Variants in ANKRD17 observed in about 807,000 individuals in gnomAD.
ANKRD17 encodes the protein ankyrin repeat domain-containing protein 17.
Under a neutral mutation model 229.7 loss-of-function variants are expected in ANKRD17, and 19 were observed. That is an observed-to-expected ratio of 0.08 (90% CI 0.06 to 0.12). The LOEUF is 0.12. Ranked by LOEUF, ANKRD17 falls within the 10% of genes least tolerant of loss-of-function variation. ANKRD17 has a pLI of 1.00. For missense variants in ANKRD17, 2,176 were observed against 3,176.8 expected (o/e 0.68, Z 7.57); for synonymous variants, 1,112 against 1,146.1 (o/e 0.97, Z 0.60).
chr4:73,222,906 TA>T, intron 1 of ANKRD17: 1 of 1,273,660 alleles, frequency 7.9e-7, no homozygotes, highest in Non-Finnish European at 1.1e-6. Flanking sequence ...ATCTGTAAAA[TA>T]ATTCCGGCAG....
intron 10 of ANKRD17, among the ~76,000 whole-genome samples, chr4:73,145,212 T>C (rs946600243): frequency 2.0e-5 from 3 of 152,168 alleles, no homozygotes; most frequent in Non-Finnish European, 2.9e-5. Context: ...GAACAATCAA[T>C]ATAATGAGCA....
At chr4:73,250,446 C>G (rs1367032592) in intron 1 of ANKRD17, among the ~76,000 whole-genome samples, 1 of 151,438 alleles carries the variant, frequency 6.6e-6, no homozygotes, top group African/African-American at 2.4e-5. Context: ...AATAAAAATA[C>G]AAAACAATTA....
In ANKRD17 at chr4:73,120,238, G is replaced by T; in HGVS notation, c.3949C>A (p.Pro1317Thr). The T allele has an allele frequency of 1.9e-6, 3 of 1,614,014 alleles. No individual in the cohort carries two copies. The highest frequency in any genetic ancestry group is 2.5e-6 in the Non-Finnish European group (3 of 1,179,992). ...GTTAAAGCTGTATCTCTTGAGGAGG[G>T]AACTGGAGGGGCATTAACATCAGCA... is the stretch of plus-strand genomic sequence containing the variant. ...KGADVNAPPV[P>T]SSRDTALTIA... Residue 1317 changes from proline to threonine, a missense_variant, in exon 21 of 34, where the codon CCC becomes ACC. Pro to Thr is a conservative substitution (Grantham distance 38). Around this residue, in one of 18 missense-constraint regions of ANKRD17, gnomAD observed 178 missense variants for 421.7 expected, o/e 0.42. Transcript: ENST00000358602.
At chr4:73,237,413 C>A (rs867098062) in intron 1 of ANKRD17, among the ~76,000 whole-genome samples, 16 of 152,302 alleles carry the variant, frequency 1.1e-4, no homozygotes, top group African/African-American at 3.9e-4. Flanking sequence ...AAGGCATATT[C>A]ACAACTTAAA....
chr4:73,249,353 G>T (rs996730980), intron 1 of ANKRD17, among the ~76,000 whole-genome samples: 10 of 152,124 alleles, frequency 6.6e-5, no homozygotes, highest in Non-Finnish European at 4.4e-5. Context: ...TTGGGAAAAG[G>T]AAAGGGGGAG....
chr4:73,203,157 TCAAC>T (rs1254976773), intron 1 of ANKRD17, among the ~76,000 whole-genome samples: 1 of 152,220 alleles, frequency 6.6e-6, no homozygotes, highest in Non-Finnish European at 1.5e-5. Flanking sequence ...TTGATGTTTC[TCAAC>T]CAACCCTGTG....
At chr4:73,237,834 T>G (rs1178287940) in intron 1 of ANKRD17, among the ~76,000 whole-genome samples, 2 of 152,178 alleles carry the variant, frequency 1.3e-5, no homozygotes, top group African/African-American at 4.8e-5. Context: ...TACTACAAAT[T>G]TTTAAGTTCT....
intron 2 of ANKRD17, among the ~76,000 whole-genome samples, chr4:73,168,175 T>C (rs960534261): frequency 4.6e-5 from 7 of 151,850 alleles, no homozygotes; most frequent in African/African-American, 1.7e-4. Flanking sequence ...AAAAAAAAAT[T>C]TACTGTATTA....
intron 2 of ANKRD17, among the ~76,000 whole-genome samples, chr4:73,161,976 A>G (rs1732585023): frequency 6.6e-6 from 1 of 151,892 alleles, no homozygotes; most frequent in Non-Finnish European, 1.5e-5. Context: ...TCTTGGGCTC[A>G]AGTGATCCGC....
intron 1 of ANKRD17, among the ~76,000 whole-genome samples, chr4:73,237,369 G>A (rs546880377): frequency 2.0e-5 from 3 of 152,178 alleles, no homozygotes; most frequent in African/African-American, 4.8e-5. Flanking sequence ...AGTAGGTTAA[G>A]AACTCCCTCA....
chr4:73,103,828 G>GTT (rs33952344), intron 24 of ANKRD17, among the ~76,000 whole-genome samples: 179 of 146,456 alleles, frequency 1.2e-3, no homozygotes, highest in African/African-American at 4.4e-3. Flanking sequence ...ACCCTCTCCG[G>GTT]TTTTTTTTTT....
At position 73,216,141 on chromosome 4, in the gene ANKRD17, G is replaced by C. The variant is rs1312747486; in HGVS notation, c.394-38608C>G. On this transcript the variant is annotated intron_variant, in intron 1 of 33. Transcript: ENST00000358602. The stretch of plus-strand genomic sequence containing the variant: ...AGTCTAGTTATCTTCCATTAAGTCA[G>C]ATGTTAAAGATATTTATAAAAATGT... Among the ~76,000 whole-genome samples, 6 of 152,212 alleles carry C rather than the reference G, an allele frequency of 3.9e-5. 1 individual carries two copies. In the East Asian group the frequency reaches 1.2e-3, roughly 29 times the overall value.
At chr4:73,181,881 C>CT (rs1431121144) in intron 1 of ANKRD17, among the ~76,000 whole-genome samples, 1 of 151,154 alleles carries the variant, frequency 6.6e-6, no homozygotes, top group African/African-American at 2.4e-5. Flanking sequence ...AACCCTGTCT[C>CT]TACTAAAAAT....
At chr4:73,112,167 A>G (rs1423657631) in intron 24 of ANKRD17, among the ~76,000 whole-genome samples, 1 of 152,204 alleles carries the variant, frequency 6.6e-6, no homozygotes, top group Non-Finnish European at 1.5e-5. Context: ...ACAGGATCTT[A>G]AAAGGCCTTA....
At chr4:73,229,852 A>G (rs1191716961) in intron 1 of ANKRD17, among the ~76,000 whole-genome samples, 1 of 152,154 alleles carries the variant, frequency 6.6e-6, no homozygotes, top group East Asian at 1.9e-4. Context: ...ATATTTGGGT[A>G]TATTCTCACT....
chr4:73,238,560 G>A (rs1743725710), intron 1 of ANKRD17, among the ~76,000 whole-genome samples: 1 of 152,080 alleles, frequency 6.6e-6, no homozygotes, highest in Admixed American at 6.5e-5. Flanking sequence ...CTACATTCAG[G>A]TAAAGTGTTT....
intron 1 of ANKRD17, among the ~76,000 whole-genome samples, chr4:73,212,431 G>A (rs1740403374): frequency 6.6e-6 from 1 of 151,996 alleles, no homozygotes; most frequent in Admixed American, 6.6e-5. Context: ...CGATCCACCT[G>A]CCAAGATTAT....
intron 2 of ANKRD17, among the ~76,000 whole-genome samples, chr4:73,176,339 T>G (rs1400693263): frequency 2.0e-5 from 3 of 152,166 alleles, no homozygotes; most frequent in Non-Finnish European, 4.4e-5. Flanking sequence ...GGAATCCTCA[T>G]ATACTATTGG....
At chr4:73,088,427 T>G (rs968029678) in intron 29 of ANKRD17, among the ~76,000 whole-genome samples, 1 of 152,168 alleles carries the variant, frequency 6.6e-6, no homozygotes, top group African/African-American at 2.4e-5. Context: ...ACCTCACCTT[T>G]CTTACAGAGG....
Sources: gnomAD v4.1 joint callset for allele counts (sites outside exome capture counted in the v4.1 genomes callset) on GRCh38, gnomAD v4.1.1 for gene constraint, gnomAD v4.1.1 regional missense constraint, MANE v1.5 for transcripts, NCBI Gene and HGNC (gene_info 2026-07-23, HGNC 2026-07-21) for gene names.